The following CNOT8 variants were observed in gnomAD, a reference collection of about 807,000 sequenced individuals.
The protein encoded by CNOT8 is CAF1-like protein.
A neutral mutation model predicts 34.6 loss-of-function variants in CNOT8; 18 were observed. The ratio of observed to expected loss-of-function variants is 0.52; its 90% CI spans 0.36 to 0.77. The LOEUF is 0.77. Ranked by LOEUF, CNOT8 falls within the 30% of genes least tolerant of loss-of-function variation. CNOT8 has a pLI of 0.00. For synonymous variants in CNOT8, 101 were observed against 118.8 expected (o/e 0.85, Z 0.98); for missense variants, 189 against 347.9 (o/e 0.54, Z 3.63).
Position 154,875,331 on chromosome 5 carries a change from G to A in CNOT8, c.771G>A (p.Gly257=). The A allele has an allele frequency of 6.2e-7, 1 of 1,614,152 alleles. No homozygotes were observed. Among genetic ancestry groups the A allele is most frequent in the Non-Finnish European group, 8.5e-7 (1 of 1,180,036 alleles). The part of the protein sequence containing the change: ...EDSIDDAKYC[G]RLYGLGTGVA... The stretch of plus-strand genomic sequence containing the variant: ...GCATTGATGATGCCAAGTACTGTGG[G>A]CGGCTCTATGGCTTAGGCACAGGAG... Residue 257 remains glycine, a synonymous_variant, in exon 7 of 7, where the codon GGG becomes GGA. Coordinates refer to ENST00000285896, the MANE Select transcript of CNOT8 (RefSeq NM_001301073.2).
chr5:154,875,447 A>C lies in CNOT8; in HGVS notation c.*8A>C. On this transcript the variant is annotated 3_prime_UTR_variant, in exon 7 of 7. Coordinates refer to ENST00000285896, the MANE Select transcript of CNOT8 (RefSeq NM_001301073.2). ...AACAACATGCAGCAGTGATGGCGCC[A>C]GGCTCTGCAGGGTGGGCCTGATCCC... is the stretch of plus-strand genomic sequence containing the variant. The C allele has an allele frequency of 6.2e-7, 1 of 1,612,970 alleles. No individual in the cohort carries two copies. The highest frequency in any genetic ancestry group is 8.5e-7 in the Non-Finnish European group (1 of 1,179,868).
At position 154,875,470 on chromosome 5, in the gene CNOT8, C is replaced by A; in HGVS notation, c.*31C>A. ...CCAGGCTCTGCAGGGTGGGCCTGAT[C>A]CCAGAGTGGTGCTTACTGTGCTGAC... On this transcript the variant is annotated 3_prime_UTR_variant, in exon 7 of 7. Coordinates refer to ENST00000285896, the MANE Select transcript of CNOT8 (RefSeq NM_001301073.2). 1 of 1,609,750 alleles carries A rather than the reference C, an allele frequency of 6.2e-7. No individual in the cohort carries two copies. Among genetic ancestry groups the A allele is most frequent in the Non-Finnish European group, 8.5e-7 (1 of 1,178,824 alleles).
Position 154,863,257 on chromosome 5 carries a change from C to T in CNOT8, c.-22C>T. 9 of 1,566,586 alleles carry T rather than the reference C, an allele frequency of 5.7e-6. No individual in the cohort carries two copies. The highest frequency in any genetic ancestry group is 2.2e-5 in the East Asian group (1 of 44,616). ...CACTGTAAAACTAGTTAGCTGAAGA[C>T]GACTTCTCAGGTTTCTTCAGGATGC... On this transcript the variant is annotated 5_prime_UTR_variant, in exon 2 of 7. The change creates a new upstream start codon in the 5' untranslated region. Coordinates refer to ENST00000285896, the MANE Select transcript of CNOT8 (RefSeq NM_001301073.2).
At chr5:154,873,551 G>A (rs1318949026) in intron 6 of CNOT8, among the ~76,000 whole-genome samples, 3 of 152,006 alleles carry the variant, frequency 2.0e-5, no homozygotes, top group African/African-American at 7.2e-5. Flanking sequence ...TCTTCTTTTA[G>A]TTTCTTTACT....
intron 3 of CNOT8, among the ~76,000 whole-genome samples, chr5:154,870,129 C>T (rs1252487412): frequency 6.6e-6 from 1 of 152,146 alleles, no homozygotes; most frequent in Admixed American, 6.5e-5. Flanking sequence ...GAGTCCCCTC[C>T]AGTTCTTGGC....
chr5:154,865,944 A>G (rs189977613), intron 3 of CNOT8, among the ~76,000 whole-genome samples: 45 of 152,124 alleles, frequency 3.0e-4, no homozygotes, highest in Admixed American at 1.6e-3. Flanking sequence ...GGTTTTTTCT[A>G]CCTCTTGACT....
At chr5:154,865,154 T>C (rs375825981) in intron 2 of CNOT8, 38 bp from the exon 3 acceptor site, 12 of 1,462,070 alleles carry the variant, frequency 8.2e-6, no homozygotes, top group African/African-American at 5.7e-5. Flanking sequence ...TCCACTGTTT[T>C]GTGAAACCTT....
intron 1 of CNOT8, among the ~76,000 whole-genome samples, chr5:154,862,766 CA>C (rs2113263950): frequency 6.6e-6 from 1 of 152,258 alleles, no homozygotes; most frequent in Admixed American, 6.5e-5. Context: ...TTTAGGTCCA[CA>C]TTCTTTCAGG....
intron 1 of CNOT8, chr5:154,859,178 A>G (rs1442214808): frequency 1.3e-5 from 2 of 152,226 alleles, no homozygotes; most frequent in African/African-American, 4.8e-5. Flanking sequence ...TGCTTTACCA[A>G]ACAAAAACAG....
chr5:154,869,830 G>C (rs1310854844), intron 3 of CNOT8, among the ~76,000 whole-genome samples: 1 of 151,868 alleles, frequency 6.6e-6, no homozygotes, highest in African/African-American at 2.4e-5. Context: ...TCACCACGTT[G>C]GCCAGGATGG....
At chr5:154,862,622 G>A (rs1761461816) in intron 1 of CNOT8, among the ~76,000 whole-genome samples, 1 of 152,156 alleles carries the variant, frequency 6.6e-6, no homozygotes, top group South Asian at 2.1e-4. Context: ...GTCTAAAGAG[G>A]CACTGGTATT....
chr5:154,871,917 A>T lies in CNOT8; in HGVS notation c.618+43A>T, dbSNP rs564943082. Reference sequence around the variant, plus strand: ...TAATACCAGTAACAAAAAGAAGGACAGAAAAAAAGCTGACTTTGCTTTATT... The same window carrying T: ...TAATACCAGTAACAAAAAGAAGGACTGAAAAAAAGCTGACTTTGCTTTATT... On this transcript the variant is annotated intron_variant, in intron 5 of 6. Coordinates refer to ENST00000285896, the MANE Select transcript of CNOT8 (RefSeq NM_001301073.2). The T allele has an allele frequency of 2.6e-6, 4 of 1,567,984 alleles. No homozygotes were observed. In the South Asian group the frequency reaches 4.6e-5, roughly 18 times the overall value.
At chr5:154,874,575 C>T (rs1191753860) in intron 6 of CNOT8, among the ~76,000 whole-genome samples, 1 of 152,126 alleles carries the variant, frequency 6.6e-6, no homozygotes, top group Non-Finnish European at 1.5e-5. Flanking sequence ...TGCATTGTCA[C>T]CCAGGCTGGG....
At chr5:154,871,960 C>G in intron 5 of CNOT8, 86 bp downstream of exon 5, 1 of 1,158,138 alleles carries the variant, frequency 8.6e-7, no homozygotes, top group South Asian at 1.4e-5. Context: ...GTTCAGCATG[C>G]ATTTTTGAGT....
intron 1 of CNOT8, among the ~76,000 whole-genome samples, chr5:154,861,762 G>A (rs1368578517): frequency 1.3e-5 from 2 of 152,118 alleles, no homozygotes; most frequent in Non-Finnish European, 2.9e-5. Flanking sequence ...GCGGTGGCGC[G>A]ATCTTGGCTC....
intron 6 of CNOT8, 149 bp downstream of exon 6, chr5:154,872,800 GCT>G (rs1762603274): frequency 3.0e-6 from 1 of 329,040 alleles, no homozygotes; most frequent in South Asian, 9.8e-5. Flanking sequence ...ATGAAGCCTT[GCT>G]CTGTCACCCA....
chr5:154,870,042 G>GC (rs1298633812), intron 3 of CNOT8, among the ~76,000 whole-genome samples: 1 of 152,128 alleles, frequency 6.6e-6, no homozygotes, highest in Non-Finnish European at 1.5e-5. Context: ...ACAGGTGTGA[G>GC]CCACCATGCC....
At chr5:154,863,674 C>A (rs531666157) in intron 2 of CNOT8, among the ~76,000 whole-genome samples, 2 of 152,244 alleles carry the variant, frequency 1.3e-5, no homozygotes. Context: ...TCCACTAAAG[C>A]CATTGTAAAT....
chr5:154,861,436 A>G (rs1021177392), intron 1 of CNOT8, among the ~76,000 whole-genome samples: 10 of 152,246 alleles, frequency 6.6e-5, no homozygotes, highest in African/African-American at 2.4e-4. Flanking sequence ...TTTGCTGGCA[A>G]ACCAACAGTT....
Sources: allele counts gnomAD v4.1 joint callset (sites outside exome capture counted in the v4.1 genomes callset), GRCh38; gene constraint gnomAD v4.1.1; transcripts MANE v1.5; gene names NCBI Gene and HGNC (gene_info 2026-07-23, HGNC 2026-07-21).